The following EFCAB14 variants were observed in gnomAD, a reference collection of about 807,000 sequenced individuals.
EFCAB14 encodes EF-hand calcium binding domain 14.
In EFCAB14, 43 loss-of-function variants were observed where a neutral mutation model predicts 56.5. The observed-to-expected ratio is 0.76, with a 90% CI of 0.60 to 0.98. EFCAB14 has a LOEUF of 0.98. EFCAB14 is among the 50% of genes least tolerant of loss of function. The pLI, the probability that EFCAB14 is intolerant of heterozygous loss-of-function variation, is 0.00. For synonymous variants in EFCAB14, 235 were observed against 212.9 expected (o/e 1.10, Z -0.90); for missense variants, 538 against 580.3 (o/e 0.93, Z 0.75).
chr1:46,712,293 T>C (rs890846404), intron 2 of EFCAB14, among the ~76,000 whole-genome samples: 1 of 152,330 alleles, frequency 6.6e-6, no homozygotes, highest in East Asian at 1.9e-4. Context: ...TTATTTATAC[T>C]TTTCCAAATT....
At chr1:46,708,987 T>C (rs1402013572) in intron 2 of EFCAB14, among the ~76,000 whole-genome samples, 1 of 151,920 alleles carries the variant, frequency 6.6e-6, no homozygotes, top group African/African-American at 2.4e-5. Context: ...AGTTATTATA[T>C]GCTTCCTTAA....
At chr1:46,701,552 A>T (rs1055950692) in intron 3 of EFCAB14, among the ~76,000 whole-genome samples, 7 of 152,228 alleles carry the variant, frequency 4.6e-5, no homozygotes, top group African/African-American at 1.7e-4. Flanking sequence ...GTGCATGGCT[A>T]ATCAGAAGTA....
intron 5 of EFCAB14, among the ~76,000 whole-genome samples, chr1:46,691,427 A>G (rs1676990674): frequency 6.6e-6 from 1 of 152,216 alleles, no homozygotes; most frequent in African/African-American, 2.4e-5. Flanking sequence ...TGGGAGTCTA[A>G]GAGCCTTGCT....
In EFCAB14 at chr1:46,693,681, T is replaced by G. The variant is rs140401907; in HGVS notation, c.580-1744A>C. 1.6e-3 allele frequency among the ~76,000 whole-genome samples: 239 copies of G among 152,248 alleles called. 1 individual carries two copies. The highest frequency in any genetic ancestry group is 3.9e-3 in the Admixed American group (60 of 15,290). On this transcript the variant is annotated intron_variant, in intron 4 of 10. Coordinates refer to ENST00000371933, the MANE Select transcript of EFCAB14 (RefSeq NM_014774.3). ...ATGCCAGAAGATAGTAAGCTCTTGT[T>G]TAAGGATTTTTTTTTTCTTTTCTTT...
At chr1:46,711,928 C>T (rs561013931) in intron 2 of EFCAB14, among the ~76,000 whole-genome samples, 2 of 152,272 alleles carry the variant, frequency 1.3e-5, no homozygotes, top group East Asian at 3.9e-4. Context: ...AGCTCTTAGT[C>T]TAGTGGGGAG....
chr1:46,685,629 G>A (rs1676869285), intron 8 of EFCAB14, among the ~76,000 whole-genome samples: 1 of 152,148 alleles, frequency 6.6e-6, no homozygotes, highest in Admixed American at 6.5e-5. Context: ...ACCCTGCGAT[G>A]ACAGTTAAAA....
At chr1:46,684,123 C>T (rs766696256) in intron 9 of EFCAB14, 24 of 174,146 alleles carry the variant, frequency 1.4e-4, no homozygotes, top group African/African-American at 3.1e-4. Context: ...TTCAGAAGGG[C>T]GAATATTTAT....
chr1:46,687,714 T>C (rs746444645), intron 7 of EFCAB14, among the ~76,000 whole-genome samples: 26 of 152,220 alleles, frequency 1.7e-4, no homozygotes, highest in Non-Finnish European at 3.8e-4. Context: ...TATGTGAAAC[T>C]GCACATTTTA....
intron 10 of EFCAB14, among the ~76,000 whole-genome samples, chr1:46,680,056 T>G (rs1569675522): frequency 6.6e-6 from 1 of 152,112 alleles, no homozygotes; most frequent in Non-Finnish European, 1.5e-5. Flanking sequence ...AAGACAGGCC[T>G]TACCAAGCAT....
intron 2 of EFCAB14, among the ~76,000 whole-genome samples, chr1:46,711,512 A>G (rs1677307786): frequency 4.6e-5 from 7 of 152,188 alleles, no homozygotes. Context: ...ATGAGCCAAG[A>G]GGGGATCACA....
Position 46,696,629 on chromosome 1 carries a change from T to C in EFCAB14, c.501A>G (p.Ala167=), listed in dbSNP as rs778722430. The part of the protein sequence containing the change: ...MNKQISLLTS[A]VNHLKANVKS... ...TAACATTGGCTTTGAGGTGGTTCAC[T>C]GCAGAAGTCAACAGAGAAATCTGAA... The change falls in exon 4 of 11, where the codon GCA becomes GCG. Residue 167 remains alanine (A), a synonymous_variant. Coordinates refer to ENST00000371933, the MANE Select transcript of EFCAB14 (RefSeq NM_014774.3). The C allele has an allele frequency of 6.2e-7, 1 of 1,613,528 alleles. No homozygotes were observed. Among genetic ancestry groups the C allele is most frequent in the Admixed American group, 1.7e-5 (1 of 59,992 alleles).
Position 46,677,387 on chromosome 1 carries a change from G to A in EFCAB14, c.*1074C>T, listed in dbSNP as rs1408219241. 1 of 152,136 alleles carries A rather than the reference G, an allele frequency of 6.6e-6. No individual in the cohort carries two copies. The highest frequency in any genetic ancestry group is 2.4e-5 in the African/African-American group (1 of 41,422). The allele number at this position is 152,136 out of a possible 1,614,324, so 9.4% of individuals were successfully genotyped here. On this transcript the variant is annotated 3_prime_UTR_variant, in exon 11 of 11. Transcript: ENST00000371933. The stretch of plus-strand genomic sequence containing the variant: ...TTTTTGGCTTTAGTCATCCCCCAGA[G>A]AAACATATTAGGCTCTTGGTTAGCC...
chr1:46,688,958 A>G (rs1676934522), intron 6 of EFCAB14, among the ~76,000 whole-genome samples: 1 of 152,250 alleles, frequency 6.6e-6, no homozygotes, highest in South Asian at 2.1e-4. Context: ...TAACAATACC[A>G]TAACAAGTAG....
intron 3 of EFCAB14, among the ~76,000 whole-genome samples, chr1:46,703,187 G>A (rs1202686459): frequency 5.3e-5 from 8 of 151,672 alleles, no homozygotes; most frequent in African/African-American, 1.9e-4. Flanking sequence ...TCAGCTCACT[G>A]CAACCTCTGC....
At chr1:46,707,788 CA>C in intron 3 of EFCAB14, 117 bp downstream of exon 3, 1 of 1,076,442 alleles carries the variant, frequency 9.3e-7, no homozygotes, top group Non-Finnish European at 1.3e-6. Flanking sequence ...AACCCCATTT[CA>C]AAAAGTAAAA....
Position 46,718,157 on chromosome 1 carries a change from TCCTG to T in EFCAB14, c.-74_-71del. On this transcript the variant is annotated 5_prime_UTR_variant, in exon 1 of 11. Transcript: ENST00000371933. ...GTTCGTACCCGATGCCCAATTCTCT[TCCTG>T]CCTTGGAGCTGCCTTCCAGGGTTGG... The T allele has an allele frequency of 1.3e-6, 2 of 1,534,228 alleles. No individual in the cohort carries two copies. Among genetic ancestry groups the T allele is most frequent in the Non-Finnish European group, 1.8e-6 (2 of 1,125,638 alleles).
At chr1:46,696,925 A>G (rs923543254) in intron 3 of EFCAB14, among the ~76,000 whole-genome samples, 1 of 152,202 alleles carries the variant, frequency 6.6e-6, no homozygotes. Context: ...GCAGCACAAG[A>G]TCCCAAAATC....
chr1:46,697,862 T>TA (rs1462252129), intron 3 of EFCAB14, among the ~76,000 whole-genome samples: 1 of 151,418 alleles, frequency 6.6e-6, no homozygotes, highest in East Asian at 1.9e-4. Context: ...CTCTTTTTTT[T>TA]TTTTTTTTTG....
At chr1:46,697,912 A>T in intron 3 of EFCAB14, among the ~76,000 whole-genome samples, 1 of 144,992 alleles carries the variant, frequency 6.9e-6, no homozygotes, top group Non-Finnish European at 1.5e-5. Flanking sequence ...AGTACAGTGC[A>T]GTGATCTTGG....
Sources: allele counts gnomAD v4.1 joint callset (sites outside exome capture counted in the v4.1 genomes callset), GRCh38; gene constraint gnomAD v4.1.1; transcripts MANE v1.5; gene names NCBI Gene and HGNC (gene_info 2026-07-23, HGNC 2026-07-21).